GRID2: variants seen among roughly 807,000 people sequenced by gnomAD.
GRID2 encodes the protein glutamate ionotropic receptor delta type subunit 2.
In GRID2, 33 loss-of-function variants were observed where a neutral mutation model predicts 114.8. The ratio of observed to expected loss-of-function variants is 0.29; its 90% CI spans 0.22 to 0.38. The LOEUF is 0.38. Among genes scored for constraint, GRID2 ranks in the 10% least tolerant of loss-of-function variants. The pLI, the probability that GRID2 is intolerant of heterozygous loss-of-function variation, is 1.00. For missense variants in GRID2, 1,184 were observed against 1,257.7 expected (o/e 0.94, Z 0.89); for synonymous variants, 505 against 449.9 (o/e 1.12, Z -1.55).
chr4:93,238,560 G>T (rs1303630107), intron 8 of GRID2, 70 bp downstream of exon 8: 8 of 1,336,182 alleles, frequency 6.0e-6, no homozygotes, highest in Admixed American at 1.8e-5. Context: ...TTTCCATGCA[G>T]TATGATCACA....
intron 2 of GRID2, among the ~76,000 whole-genome samples, chr4:92,687,216 C>CT (rs1427458489): frequency 6.7e-6 from 1 of 148,838 alleles, no homozygotes; most frequent in East Asian, 2.0e-4. Context: ...GGCCCGTGTA[C>CT]TTGCAATTGC....
intron 8 of GRID2, among the ~76,000 whole-genome samples, chr4:93,242,041 G>A (rs1477526672): frequency 6.6e-6 from 1 of 151,792 alleles, no homozygotes; most frequent in African/African-American, 2.4e-5. Flanking sequence ...AGGCACCGGG[G>A]AACATCATTT....
In GRID2 at chr4:92,923,080, A is replaced by G. The variant is rs183272089; in HGVS notation, c.245-161915A>G. ...AAAAGTTGTTTTAAAACTGGAATAT[A>G]TCACCATTTTCTACCATGCATCATT... On this transcript the variant is annotated intron_variant, in intron 2 of 15. Coordinates refer to ENST00000282020, the MANE Select transcript of GRID2 (RefSeq NM_001510.4). Among the ~76,000 whole-genome samples the G allele has an allele frequency of 1.1e-3, 171 of 152,342 alleles. 1 individual carries two copies. Among genetic ancestry groups the G allele is most frequent in the Non-Finnish European group, 1.2e-3 (79 of 68,030 alleles).
intron 9 of GRID2, among the ~76,000 whole-genome samples, chr4:93,410,181 A>C (rs1207592174): frequency 6.6e-6 from 1 of 152,226 alleles, no homozygotes; most frequent in Non-Finnish European, 1.5e-5. Flanking sequence ...TAAAGTGATA[A>C]GGATGATGAC....
At chr4:93,324,155 G>C (rs1159669759) in intron 8 of GRID2, among the ~76,000 whole-genome samples, 1 of 152,050 alleles carries the variant, frequency 6.6e-6, no homozygotes, top group African/African-American at 2.4e-5. Context: ...TCCAGTTTTT[G>C]TCCATTCAGT....
At chr4:93,696,028 G>A (rs184606998) in intron 14 of GRID2, among the ~76,000 whole-genome samples, 1 of 152,286 alleles carries the variant, frequency 6.6e-6, no homozygotes, top group Non-Finnish European at 1.5e-5. Flanking sequence ...TTTACACACT[G>A]CTTAAGATGG....
At chr4:92,577,886 A>G (rs1267279534) in intron 1 of GRID2, among the ~76,000 whole-genome samples, 6 of 152,018 alleles carry the variant, frequency 3.9e-5, no homozygotes. Context: ...TTAGAGATAT[A>G]CATTTTGGGC....
chr4:93,588,957 T>C (rs928167349), intron 13 of GRID2, among the ~76,000 whole-genome samples: 1 of 152,144 alleles, frequency 6.6e-6, no homozygotes, highest in African/African-American at 2.4e-5. Flanking sequence ...GTTCATCATA[T>C]ACATTATACC....
chr4:92,440,575 G>A (rs1157017320), intron 1 of GRID2, among the ~76,000 whole-genome samples: 1 of 152,012 alleles, frequency 6.6e-6, no homozygotes, highest in East Asian at 1.9e-4. Flanking sequence ...ATAGCAGATG[G>A]AACACTGAGA....
intron 1 of GRID2, among the ~76,000 whole-genome samples, chr4:92,551,404 T>C (rs1393765831): frequency 6.6e-6 from 1 of 152,162 alleles, no homozygotes; most frequent in African/African-American, 2.4e-5. Context: ...CATTATACAA[T>C]CGATCCCAGA....
chr4:93,376,805 A>G (rs1305061584), intron 8 of GRID2, among the ~76,000 whole-genome samples: 1 of 152,152 alleles, frequency 6.6e-6, no homozygotes, highest in Non-Finnish European at 1.5e-5. Context: ...AACAACACAC[A>G]CTGGGGCCTT....
At chr4:92,735,209 C>T (rs2149327277) in intron 2 of GRID2, among the ~76,000 whole-genome samples, 1 of 152,062 alleles carries the variant, frequency 6.6e-6, no homozygotes, top group African/African-American at 2.4e-5. Flanking sequence ...TACAGTGGTC[C>T]TTTCCTTATA....
At chr4:92,686,324 A>T (rs191902338) in intron 2 of GRID2, among the ~76,000 whole-genome samples, 1 of 152,080 alleles carries the variant, frequency 6.6e-6, no homozygotes, top group Non-Finnish European at 1.5e-5. Context: ...AAAAATAAAT[A>T]ATAATAAAAT....
intron 8 of GRID2, among the ~76,000 whole-genome samples, chr4:93,367,714 A>G (rs1762475250): frequency 6.6e-6 from 1 of 152,154 alleles, no homozygotes; most frequent in Non-Finnish European, 1.5e-5. Flanking sequence ...TTTGATTGCA[A>G]AATTAATTTG....
rs1203210016 is a variant in GRID2, at chr4:93,517,971, ACATG to A, written c.2193+2561_2193+2564del. Among the ~76,000 whole-genome samples the A allele has an allele frequency of 9.1e-4, 29 of 31,790 alleles. 1 individual carries two copies. The highest frequency in any genetic ancestry group is 4.6e-3 in the African/African-American group (25 of 5,474). The allele number at this position is 31,790 out of a possible 152,430, so 20.9% of individuals were successfully genotyped here. A position where few individuals can be genotyped will look rare whatever the true frequency, so the allele number is the denominator to read the frequency against. ...TACATGTATATGTATGTATATACATACATGTACATGTATGTATATACATACATGT... is the reference window on the plus strand; with the variant it reads ...TACATGTATATGTATGTATATACATATACATGTATGTATATACATACATGT... On this transcript the variant is annotated intron_variant, in intron 13 of 15. Coordinates refer to ENST00000282020, the MANE Select transcript of GRID2 (RefSeq NM_001510.4).
At chr4:92,685,171 T>G (rs1733840127) in intron 2 of GRID2, among the ~76,000 whole-genome samples, 1 of 152,078 alleles carries the variant, frequency 6.6e-6, no homozygotes, top group African/African-American at 2.4e-5. Flanking sequence ...TATTTTATCA[T>G]TATAGAAATG....
chr4:93,729,552 C>CT (rs367628040), intron 14 of GRID2, among the ~76,000 whole-genome samples: 1,746 of 146,210 alleles, frequency 0.012, 35 homozygotes, highest in African/African-American at 0.039. Context: ...TAATCATTTT[C>CT]TTTTTTTTTT....
intron 1 of GRID2, among the ~76,000 whole-genome samples, chr4:92,498,273 C>G (rs1723493742): frequency 1.3e-5 from 2 of 151,794 alleles, no homozygotes; most frequent in Admixed American, 6.6e-5. Flanking sequence ...GGTCCCAAGT[C>G]AGTTCACAAT....
chr4:93,795,381 C>A (rs1455809408), intron 1 of GRID2, among the ~76,000 whole-genome samples: 1 of 151,794 alleles, frequency 6.6e-6, no homozygotes, highest in African/African-American at 2.4e-5. Flanking sequence ...AAAAAGGAAT[C>A]ATATACCTTT....
Sources: allele counts gnomAD v4.1 joint callset (sites outside exome capture counted in the v4.1 genomes callset), GRCh38; gene constraint gnomAD v4.1.1; transcripts MANE v1.5; gene names NCBI Gene and HGNC (gene_info 2026-07-23, HGNC 2026-07-21).